Variants in CACNA1E observed in about 807,000 individuals in gnomAD.
The protein encoded by CACNA1E is voltage-dependent R-type calcium channel subunit alpha-1E.
CACNA1E carries 40 observed loss-of-function variants against 259.2 expected under a neutral mutation model. The ratio of observed to expected loss-of-function variants is 0.15; its 90% CI spans 0.12 to 0.20. CACNA1E has a LOEUF of 0.20. Among genes scored for constraint, CACNA1E ranks in the 10% least tolerant of loss-of-function variants. CACNA1E has a pLI of 1.00. For missense variants in CACNA1E, 1,874 were observed against 3,040.1 expected, an observed-to-expected ratio of 0.62 and a Z score of 9.02; for synonymous variants, 1,104 against 1,138.5, an observed-to-expected ratio of 0.97 and a Z score of 0.61.
chr1:181,781,125 T>C (rs759000158), intron 38 of CACNA1E, among the ~76,000 whole-genome samples: 37 of 152,268 alleles, frequency 2.4e-4, no homozygotes, highest in Admixed American at 2.1e-3. Flanking sequence ...TGGAGAGTCA[T>C]AGGGACTGAA....
chr1:181,679,068 A>G (rs1020383522), intron 7 of CACNA1E, among the ~76,000 whole-genome samples: 1 of 152,196 alleles, frequency 6.6e-6, no homozygotes, highest in African/African-American at 2.4e-5. Context: ...ACTTACTGGC[A>G]CCTAAGGATG....
chr1:181,516,199 T>C (rs1191271742), intron 3 of CACNA1E, among the ~76,000 whole-genome samples: 1 of 151,792 alleles, frequency 6.6e-6, no homozygotes, highest in East Asian at 1.9e-4. Context: ...GAGTCAGCAC[T>C]GCATATTGAA....
At chr1:181,440,058 C>T in intron 2 of CACNA1E, among the ~76,000 whole-genome samples, 1 of 152,196 alleles carries the variant, frequency 6.6e-6, no homozygotes, top group East Asian at 1.9e-4. Context: ...ATGCTTTAGA[C>T]CTTTCAAAAG....
chr1:181,440,982 T>TA (rs1660428617), intron 2 of CACNA1E, among the ~76,000 whole-genome samples: 1 of 25,284 alleles, frequency 4.0e-5, no homozygotes, highest in Non-Finnish European at 7.5e-5. Flanking sequence ...CGACCTTGTT[T>TA]CAAAAAAAAA....
chr1:181,409,907 T>C (rs933775752), intron 1 of CACNA1E, among the ~76,000 whole-genome samples: 2 of 152,142 alleles, frequency 1.3e-5, no homozygotes, highest in South Asian at 4.1e-4. Flanking sequence ...ATTGGCAAAG[T>C]GTCTGGGAAG....
At chr1:181,553,922 T>A (rs1223079345) in intron 3 of CACNA1E, among the ~76,000 whole-genome samples, 2 of 152,226 alleles carry the variant, frequency 1.3e-5, no homozygotes, top group African/African-American at 2.4e-5. Context: ...ATCATTATCA[T>A]GATCTTACTA....
Position 181,621,691 on chromosome 1 carries a change from C to A in CACNA1E, c.952-29647C>A, listed in dbSNP as rs542182757. Among the ~76,000 whole-genome samples the A allele has an allele frequency of 3.8e-3, 572 of 152,294 alleles. 3 individuals are homozygous for A. The highest frequency in any genetic ancestry group is 0.013 in the African/African-American group (533 of 41,562). On this transcript the variant is annotated intron_variant, in intron 6 of 47. Coordinates refer to ENST00000367573, the MANE Select transcript of CACNA1E (RefSeq NM_001205293.3). ...CCAACTAGTTAGCATTTATGGAGCT[C>A]CTTAATGGCTTAAAGCATGACTGTA... is the stretch of plus-strand genomic sequence containing the variant.
intron 7 of CACNA1E, among the ~76,000 whole-genome samples, chr1:181,706,401 C>T (rs1652801227): frequency 6.6e-6 from 1 of 152,068 alleles, no homozygotes; most frequent in East Asian, 1.9e-4. Context: ...ACATATATAC[C>T]CATGAGCCTG....
chr1:181,792,410 T>C (rs565070910), intron 44 of CACNA1E, among the ~76,000 whole-genome samples: 1 of 152,366 alleles, frequency 6.6e-6, no homozygotes, highest in African/African-American at 2.4e-5. Flanking sequence ...TCCCCAGGCG[T>C]GGCCATGATT....
intron 1 of CACNA1E, among the ~76,000 whole-genome samples, chr1:181,338,529 G>T (rs57936230): frequency 0.13 from 18,703 of 140,078 alleles, 1,262 homozygotes; most frequent in South Asian, 0.18. Flanking sequence ...TGGCTAAGTT[G>T]TGTGAGTTCT....
chr1:181,720,099 A>G (rs1441241449), intron 13 of CACNA1E, 107 bp from the exon 14 acceptor site: 6 of 1,322,826 alleles, frequency 4.5e-6, no homozygotes, highest in Non-Finnish European at 6.3e-6. Flanking sequence ...TCCTACAAAT[A>G]TACAAATGCA....
chr1:181,477,821 C>T (rs1440162305), intron 2 of CACNA1E, among the ~76,000 whole-genome samples: 2 of 152,148 alleles, frequency 1.3e-5, no homozygotes, highest in Non-Finnish European at 2.9e-5. Flanking sequence ...TTATTGTGTG[C>T]AAGGTACTGA....
At chr1:181,474,613 T>G (rs1017188459) in intron 2 of CACNA1E, among the ~76,000 whole-genome samples, 6 of 152,242 alleles carry the variant, frequency 3.9e-5, no homozygotes, top group Non-Finnish European at 5.9e-5. Context: ...ATAAGAGAAA[T>G]AGGCATGATG....
At chr1:181,383,601 C>T (rs1480294313) in intron 1 of CACNA1E, among the ~76,000 whole-genome samples, 2 of 152,246 alleles carry the variant, frequency 1.3e-5, no homozygotes, top group Non-Finnish European at 2.9e-5. Context: ...GGGAGAGACT[C>T]TCCTTTTAGG....
chr1:181,784,809 A>G lies in CACNA1E; in HGVS notation c.5578+41A>G, dbSNP rs1660720961. On this transcript the variant is annotated intron_variant, in intron 41 of 47. Coordinates refer to ENST00000367573, the MANE Select transcript of CACNA1E (RefSeq NM_001205293.3). ...TGGGTATCCTTGTCACTGTGGGCCC[A>G]GCATGTGAAGACTACGTCTTTGGGG... 8.2e-6 allele frequency: 10 copies of G among 1,214,884 alleles called. No homozygotes were observed. In the East Asian group the frequency reaches 2.5e-4, roughly 31 times the overall value. The allele number at this position is 1,214,884 out of a possible 1,614,324, so 75.3% of individuals were successfully genotyped here.
intron 1 of CACNA1E, among the ~76,000 whole-genome samples, chr1:181,336,725 A>G (rs1651736662): frequency 6.6e-6 from 1 of 151,752 alleles, no homozygotes; most frequent in South Asian, 2.1e-4. Flanking sequence ...CTAACTTCCC[A>G]TTCCTCCCTC....
chr1:181,805,471 T>TA lies in CACNA1E; in HGVS notation c.*6639dup, dbSNP rs1195552778. ...GAAATGAGGGCTAAACAATGTAATATAACTGCCAGTTAAGGTAGACAGTAG... is the reference window on the plus strand; with the variant it reads ...GAAATGAGGGCTAAACAATGTAATATAAACTGCCAGTTAAGGTAGACAGTAG... On this transcript the variant is annotated 3_prime_UTR_variant, in exon 48 of 48. Coordinates refer to ENST00000367573, the MANE Select transcript of CACNA1E (RefSeq NM_001205293.3). 6.6e-6 allele frequency: 1 copy of TA among 152,216 alleles called. No individual in the cohort carries two copies. Among genetic ancestry groups the TA allele is most frequent in the Non-Finnish European group, 1.5e-5 (1 of 68,022 alleles). The allele number at this position is 152,216 out of a possible 1,614,324, so 9.4% of individuals were successfully genotyped here. A position where few individuals can be genotyped will look rare whatever the true frequency, so the allele number is the denominator to read the frequency against.
intron 13 of CACNA1E, 59 bp downstream of exon 13, chr1:181,719,922 C>A: frequency 1.0e-6 from 1 of 1,003,284 alleles, no homozygotes; most frequent in Non-Finnish European, 1.5e-6. Flanking sequence ...CTTTTTTCTG[C>A]CTTATATTTT....
intron 22 of CACNA1E, 37 bp downstream of exon 22, chr1:181,736,471 G>C: frequency 1.3e-6 from 2 of 1,585,576 alleles, no homozygotes; most frequent in East Asian, 2.3e-5. Context: ...TTTAGTGCTA[G>C]GGTAAACGGC....
Sources: gnomAD v4.1 joint callset for allele counts (sites outside exome capture counted in the v4.1 genomes callset) on GRCh38, gnomAD v4.1.1 for gene constraint, MANE v1.5 for transcripts, NCBI Gene and HGNC (gene_info 2026-07-23, HGNC 2026-07-21) for gene names.